The following GIPC2 variants were observed in gnomAD, a reference collection of about 807,000 sequenced individuals.
GIPC2 encodes the protein PDZ domain-containing protein GIPC2.
A neutral mutation model predicts 30.6 loss-of-function variants in GIPC2; 30 were observed. The observed-to-expected ratio is 0.98, with a 90% CI of 0.73 to 1.33. The LOEUF (loss-of-function observed/expected upper bound fraction) is 1.33. Ranked by LOEUF, GIPC2 falls within the 40% of genes most tolerant of loss-of-function variation. The probability of loss-of-function intolerance (pLI) is 0.00; values close to 1 mark genes in which losing one functional copy is unlikely to be tolerated. For synonymous variants in GIPC2, 167 were observed against 150.0 expected (o/e 1.11, Z -0.83); for missense variants, 414 against 390.3 (o/e 1.06, Z -0.51).
At chr1:78,095,784 C>T (rs533198353) in intron 3 of GIPC2, among the ~76,000 whole-genome samples, 1 of 152,252 alleles carries the variant, frequency 6.6e-6, no homozygotes, top group African/African-American at 2.4e-5. Context: ...TTTAATAAGC[C>T]AAACCAAGGC....
At chr1:78,127,990 C>A (rs1662813484) in intron 5 of GIPC2, among the ~76,000 whole-genome samples, 2 of 140,716 alleles carry the variant, frequency 1.4e-5, no homozygotes, top group South Asian at 4.5e-4. Context: ...TCATTGCCAG[C>A]CCTGAGAACT....
Position 78,046,032 on chromosome 1 carries a change from G to C in GIPC2, c.-63G>C. 1 of 1,398,222 alleles carries C rather than the reference G, an allele frequency of 7.2e-7. No homozygotes were observed. The highest frequency in any genetic ancestry group is 9.3e-7 in the Non-Finnish European group (1 of 1,078,618). The allele number at this position is 1,398,222 out of a possible 1,614,324, so 86.6% of individuals were successfully genotyped here. On this transcript the variant is annotated 5_prime_UTR_variant, in exon 1 of 6. Transcript: ENST00000370759. ...GCGGGGCCCGGGGCGCAAAGTCCGA[G>C]GCGCCGGGGGGAGGAGGCGGCGGAC...
chr1:78,073,420 A>G (rs1360498422), intron 1 of GIPC2, among the ~76,000 whole-genome samples: 2 of 152,166 alleles, frequency 1.3e-5, no homozygotes, highest in Non-Finnish European at 2.9e-5. Context: ...TTTATTTTCT[A>G]TAATGACATT....
At chr1:78,087,128 G>C (rs1571498404) in intron 2 of GIPC2, among the ~76,000 whole-genome samples, 1 of 152,284 alleles carries the variant, frequency 6.6e-6, no homozygotes, top group South Asian at 2.1e-4. Context: ...CATGCTTGTG[G>C]ATAGGAAGGG....
intron 5 of GIPC2, among the ~76,000 whole-genome samples, chr1:78,129,085 C>T (rs1662842151): frequency 6.6e-6 from 1 of 151,094 alleles, no homozygotes; most frequent in African/African-American, 2.4e-5. Context: ...GGGCACTAAA[C>T]ATTCCTTACA....
Position 78,107,223 on chromosome 1 carries a change from G to A in GIPC2, c.607+12091G>A, listed in dbSNP as rs796190053. On this transcript the variant is annotated intron_variant, in intron 3 of 5. Transcript: ENST00000370759. ...TCTGAGGGTGGAGTGCAGTAGTGCA[G>A]TCACAGTTCACTGCAGGGCTCAAAA... is the stretch of plus-strand genomic sequence containing the variant. Among the ~76,000 whole-genome samples the A allele has an allele frequency of 1.6e-4, 25 of 151,912 alleles. 1 individual carries two copies. The highest frequency in any genetic ancestry group is 5.6e-4 in the African/African-American group (23 of 41,422).
rs77451487 is a variant in GIPC2, at chr1:78,115,368, A to T, written c.608-4025A>T. 1.5e-3 allele frequency among the ~76,000 whole-genome samples: 236 copies of T among 152,272 alleles called. 2 individuals are homozygous for T. The South Asian group carries it at 0.022, about 14-fold the overall frequency. Reference sequence around the variant, plus strand: ...ATTTTTCACCCTGCAGGAAATTTATATGGGCAGACAAACCATACCAAGTAG... The same window carrying T: ...ATTTTTCACCCTGCAGGAAATTTATTTGGGCAGACAAACCATACCAAGTAG... On this transcript the variant is annotated intron_variant, in intron 3 of 5. Coordinates refer to ENST00000370759, the MANE Select transcript of GIPC2 (RefSeq NM_017655.6).
At chr1:78,104,639 T>C (rs1662310928) in intron 3 of GIPC2, among the ~76,000 whole-genome samples, 2 of 151,558 alleles carry the variant, frequency 1.3e-5, no homozygotes, top group African/African-American at 4.9e-5. Context: ...GGGTAGGAGG[T>C]GGATTGATGA....
At chr1:78,100,317 AAG>A (rs531526586) in intron 3 of GIPC2, among the ~76,000 whole-genome samples, 7 of 152,246 alleles carry the variant, frequency 4.6e-5, no homozygotes, top group Non-Finnish European at 1.0e-4. Flanking sequence ...ATATTTATAA[AAG>A]AGAAATAGGT....
In GIPC2 at chr1:78,136,871, A is replaced by G. The variant is rs1010540826; in HGVS notation, c.*1128A>G. 2 of 152,168 alleles carry G rather than the reference A, an allele frequency of 1.3e-5. No individual in the cohort carries two copies. Among genetic ancestry groups the G allele is most frequent in the Non-Finnish European group, 2.9e-5 (2 of 68,002 alleles). The allele number at this position is 152,168 out of a possible 1,614,324, so 9.4% of individuals were successfully genotyped here. A position where few individuals can be genotyped will look rare whatever the true frequency, so the allele number is the denominator to read the frequency against. On this transcript the variant is annotated 3_prime_UTR_variant, in exon 6 of 6. Coordinates refer to ENST00000370759, the MANE Select transcript of GIPC2 (RefSeq NM_017655.6). ...GAAATGAATGGTTTCAACAAAGATC[A>G]TTTAATACAGCAGAGCATGGCATGA...
rs144864253 is a variant in GIPC2 at position 78,095,133 on chromosome 1, G to T, written c.607+1G>T. On this transcript the variant is annotated splice_donor_variant, in intron 3 of 5. Transcript: ENST00000370759. LOFTEE classifies it high-confidence loss of function. ...TTAATAGAACCTAAGAAGGCATTTG[G>T]TAAGTCAGGGGTTGGTGGGCGGGTG... 13 of 1,607,464 alleles carry T rather than the reference G, an allele frequency of 8.1e-6. No homozygotes were observed. The highest frequency in any genetic ancestry group is 1.1e-5 in the Non-Finnish European group (13 of 1,174,794).
intron 1 of GIPC2, among the ~76,000 whole-genome samples, chr1:78,078,867 A>G (rs556718077): frequency 1.3e-4 from 20 of 151,234 alleles, no homozygotes; most frequent in Non-Finnish European, 2.7e-4. Context: ...CAACAAACCA[A>G]GGAGGAGAAA....
intron 2 of GIPC2, among the ~76,000 whole-genome samples, chr1:78,085,002 A>G (rs933877673): frequency 2.6e-5 from 4 of 151,972 alleles, no homozygotes; most frequent in Non-Finnish European, 4.4e-5. Flanking sequence ...GAGAGAGCAT[A>G]TTTGTCTTGT....
At chr1:78,081,907 A>C (rs1661835876) in intron 2 of GIPC2, among the ~76,000 whole-genome samples, 1 of 152,170 alleles carries the variant, frequency 6.6e-6, no homozygotes, top group Non-Finnish European at 1.5e-5. Context: ...GAATGTTTAC[A>C]TACTTATCCC....
At position 78,095,034 on chromosome 1, in the gene GIPC2, T is replaced by C. The variant is rs752461671; in HGVS notation, c.509T>C (p.Ile170Thr). 6.2e-7 allele frequency: 1 copy of C among 1,606,842 alleles called. No homozygotes were observed. The highest frequency in any genetic ancestry group is 1.7e-5 in the Admixed American group (1 of 59,994). ...DHIESINGEN[I>T]VGWRHYDVAK... ...ATTGAATCCATAAATGGAGAAAATA[T>C]TGTTGGGTGGCGTCACTATGATGTT... The change falls in exon 3 of 6, where the codon ATT becomes ACT. Residue 170 changes from isoleucine (I) to threonine (T), a missense_variant. Transcript: ENST00000370759.
intron 2 of GIPC2, among the ~76,000 whole-genome samples, chr1:78,088,028 A>T (rs1421559927): frequency 6.6e-6 from 1 of 152,224 alleles, no homozygotes; most frequent in African/African-American, 2.4e-5. Context: ...CATTAGAGAA[A>T]TGCAAATCAA....
At position 78,106,928 on chromosome 1, in the gene GIPC2, G is replaced by A. The variant is rs532112745; in HGVS notation, c.607+11796G>A. On this transcript the variant is annotated intron_variant, in intron 3 of 5. Coordinates refer to ENST00000370759, the MANE Select transcript of GIPC2 (RefSeq NM_017655.6). ...CGACCTCAGGTGATCCACCTGCCTC[G>A]GCCTCCCAAGGTGCTGGGATTACAG... 2.0e-4 allele frequency among the ~76,000 whole-genome samples: 31 copies of A among 152,080 alleles called. No individual in the cohort carries two copies. In the East Asian group the frequency reaches 5.3e-3, roughly 26 times the overall value.
intron 1 of GIPC2, among the ~76,000 whole-genome samples, chr1:78,064,963 T>A (rs895522615): frequency 2.6e-5 from 4 of 152,106 alleles, no homozygotes; most frequent in Admixed American, 2.6e-4. Flanking sequence ...CAGGCTGGTC[T>A]CAAACTCCTG....
At chr1:78,122,425 T>G (rs1662698703) in intron 4 of GIPC2, among the ~76,000 whole-genome samples, 1 of 152,198 alleles carries the variant, frequency 6.6e-6, no homozygotes, top group African/African-American at 2.4e-5. Context: ...GGGTAATTTA[T>G]AAAGTAAAGA....
Sources: gnomAD v4.1 joint callset for allele counts (sites outside exome capture counted in the v4.1 genomes callset) on GRCh38, gnomAD v4.1.1 for gene constraint, MANE v1.5 for transcripts, NCBI Gene and HGNC (gene_info 2026-07-23, HGNC 2026-07-21) for gene names.